Variants in ZNF514 observed in about 807,000 individuals in gnomAD.
ZNF514 encodes the protein zinc finger protein 514.
ZNF514 carries 12 observed loss-of-function variants against 9.7 expected under a neutral mutation model. The ratio of observed to expected loss-of-function variants is 1.24; its 90% CI spans 0.79 to 2.01. The LOEUF is 2.01. Ranked by LOEUF, ZNF514 falls within the 30% of genes most tolerant of loss-of-function variation. ZNF514 has a pLI of 0.00. For missense variants in ZNF514, 467 were observed against 465.5 expected (o/e 1.00, Z -0.03); for synonymous variants, 158 against 163.7 (o/e 0.97, Z 0.27).
chr2:95,143,914 T>A (rs1457043058), downstream of ZNF514, among the ~76,000 whole-genome samples: 1 of 152,234 alleles, frequency 6.6e-6, no homozygotes, highest in Non-Finnish European at 1.5e-5. Context: ...TTTACCTAAC[T>A]AGTTTGTTTA....
chr2:95,127,581 GT>G, the ZNF514 span, among the ~76,000 whole-genome samples: 3 of 149,952 alleles, frequency 2.0e-5, no homozygotes, highest in African/African-American at 2.4e-5. Context: ...TTTTGTTTTT[GT>G]TTTTTTGTTT....
the ZNF514 span, among the ~76,000 whole-genome samples, chr2:95,127,752 G>A: frequency 6.6e-6 from 1 of 152,106 alleles, no homozygotes; most frequent in Non-Finnish European, 1.5e-5. Flanking sequence ...GGGATTACAG[G>A]TGCCTGCCAC....
At chr2:95,127,888 C>A in the ZNF514 span, among the ~76,000 whole-genome samples, 14 of 152,082 alleles carry the variant, frequency 9.2e-5, no homozygotes, top group African/African-American at 3.4e-4. Flanking sequence ...GGATCACAGG[C>A]GTGAGACACC....
At chr2:95,135,417 C>CT in the ZNF514 span, among the ~76,000 whole-genome samples, 432 of 140,892 alleles carry the variant, frequency 3.1e-3, 3 homozygotes, top group South Asian at 0.037. Flanking sequence ...TTCGTTCTTT[C>CT]TTTTTTTTTT....
At chr2:95,129,189 C>T in the ZNF514 span, among the ~76,000 whole-genome samples, 1 of 152,212 alleles carries the variant, frequency 6.6e-6, no homozygotes, top group African/African-American at 2.4e-5. Context: ...AGACCCACTC[C>T]TCAGTGAAAT....
At chr2:95,129,003 A>G in the ZNF514 span, among the ~76,000 whole-genome samples, 1 of 152,204 alleles carries the variant, frequency 6.6e-6, no homozygotes, top group African/African-American at 2.4e-5. Context: ...TAGTATACCA[A>G]GGAAATTCTG....
downstream of ZNF514, among the ~76,000 whole-genome samples, chr2:95,140,344 G>T (rs549250012): frequency 2.0e-5 from 3 of 152,176 alleles, no homozygotes; most frequent in African/African-American, 7.2e-5. Context: ...GGGGAGCCAG[G>T]CACCATGGCT....
Position 95,159,242 on chromosome 2 carries a change from C to A in ZNF514, c.-98G>T. 1 of 191,908 alleles carries A rather than the reference C, an allele frequency of 5.2e-6. No individual in the cohort carries two copies. The highest frequency in any genetic ancestry group is 1.6e-4 in the East Asian group (1 of 6,286). The allele number at this position is 191,908 out of a possible 1,614,324, so 11.9% of individuals were successfully genotyped here. A position where few individuals can be genotyped will look rare whatever the true frequency, so the allele number is the denominator to read the frequency against. Reference sequence around the variant, plus strand: ...CCTCGCCAAGTCCGGCCTCCTACCCCCGGCTCGGCTCCTCCTCAGGACCAG... The same window carrying A: ...CCTCGCCAAGTCCGGCCTCCTACCCACGGCTCGGCTCCTCCTCAGGACCAG... On this transcript the variant is annotated splice_region_variant and 5_prime_UTR_variant, in exon 1 of 5. Coordinates refer to ENST00000295208, the MANE Select transcript of ZNF514 (RefSeq NM_032788.3).
At chr2:95,158,555 A>G (rs1346068109) in intron 1 of ZNF514, among the ~76,000 whole-genome samples, 1 of 152,220 alleles carries the variant, frequency 6.6e-6, no homozygotes, top group Non-Finnish European at 1.5e-5. Flanking sequence ...CGACTGGAAG[A>G]ACCTTATTAG....
the ZNF514 span, among the ~76,000 whole-genome samples, chr2:95,137,153 T>C: frequency 6.6e-6 from 1 of 152,098 alleles, no homozygotes; most frequent in African/African-American, 2.4e-5. Context: ...AATATGGAAG[T>C]GAAAGAAAAT....
the ZNF514 span, among the ~76,000 whole-genome samples, chr2:95,138,681 G>A: frequency 1.3e-5 from 2 of 152,212 alleles, no homozygotes; most frequent in African/African-American, 4.8e-5. Flanking sequence ...GAGTGTAAAA[G>A]TTTGGGACAT....
At chr2:95,155,844 C>A (rs1673673792) in intron 2 of ZNF514, among the ~76,000 whole-genome samples, 1 of 152,132 alleles carries the variant, frequency 6.6e-6, no homozygotes, top group Admixed American at 6.5e-5. Flanking sequence ...TGAGTGGAAA[C>A]CCAAAGAGCC....
At chr2:95,126,535 C>T in the ZNF514 span, among the ~76,000 whole-genome samples, 9 of 152,028 alleles carry the variant, frequency 5.9e-5, no homozygotes, top group African/African-American at 2.2e-4. Flanking sequence ...AGTGTTATCC[C>T]CATTTTTTTT....
the ZNF514 span, among the ~76,000 whole-genome samples, chr2:95,137,538 GT>G: frequency 6.6e-6 from 1 of 152,192 alleles, no homozygotes; most frequent in Non-Finnish European, 1.5e-5. Context: ...TGGAAAAACT[GT>G]AAAGGTAGGA....
At chr2:95,139,482 C>A in the ZNF514 span, among the ~76,000 whole-genome samples, 1 of 152,236 alleles carries the variant, frequency 6.6e-6, no homozygotes, top group South Asian at 2.1e-4. Flanking sequence ...TACTGCCCTG[C>A]TGCATTTCAG....
chr2:95,130,307 TCACAGGAC>T, the ZNF514 span, among the ~76,000 whole-genome samples: 5 of 152,106 alleles, frequency 3.3e-5, no homozygotes, highest in African/African-American at 7.2e-5. Context: ...CAGGGCGAGA[TCACAGGAC>T]CACAGGACCA....
At position 95,148,314 on chromosome 2, in the gene ZNF514, C is replaced by T. The variant is rs1573374717; in HGVS notation, c.*968G>A. ...TGCACCCATGCATGACACCCTGCCC[C>T]GTCAGTAACAGCATGAGGAGGCAAT... On this transcript the variant is annotated 3_prime_UTR_variant, in exon 5 of 5. Coordinates refer to ENST00000295208, the MANE Select transcript of ZNF514 (RefSeq NM_032788.3). 2 of 152,202 alleles carry T rather than the reference C, an allele frequency of 1.3e-5. No individual in the cohort carries two copies. Among genetic ancestry groups the T allele is most frequent in the South Asian group, 4.1e-4 (2 of 4,828 alleles). The allele number at this position is 152,202 out of a possible 1,614,324, so 9.4% of individuals were successfully genotyped here. A position where few individuals can be genotyped will look rare whatever the true frequency, so the allele number is the denominator to read the frequency against.
chr2:95,141,252 G>A (rs538925225), downstream of ZNF514, among the ~76,000 whole-genome samples: 1 of 152,164 alleles, frequency 6.6e-6, no homozygotes, highest in East Asian at 1.9e-4. Flanking sequence ...ACTCCATAAG[G>A]CATTAACGCT....
chr2:95,149,646 C>T lies in ZNF514; in HGVS notation c.839G>A (p.Arg280Lys), dbSNP rs772007828. The T allele has an allele frequency of 3.7e-6, 6 of 1,614,224 alleles. No homozygotes were observed. In the South Asian group the frequency reaches 4.4e-5, roughly 12 times the overall value. ...SQSSSLVLHYRFHTGEKPYKC... is the reference protein window; with the variant it reads ...SQSSSLVLHYKFHTGEKPYKC... ...GTAGGGTTTCTCTCCAGTGTGAAAT[C>T]TATAGTGCAGAACAAGAGACGAACT... The change falls in exon 5 of 5, where the codon AGA (arginine) becomes AAA (lysine). Residue 280 changes from arginine to lysine, a missense_variant. Arg to Lys is a conservative substitution (Grantham distance 26). Transcript: ENST00000295208.
Sources: allele counts gnomAD v4.1 joint callset (sites outside exome capture counted in the v4.1 genomes callset), GRCh38; gene constraint gnomAD v4.1.1; transcripts MANE v1.5; gene names NCBI Gene and HGNC (gene_info 2026-07-23, HGNC 2026-07-21).